PADI2: variants seen among roughly 807,000 people sequenced by gnomAD.
The protein encoded by PADI2 is peptidyl arginine deiminase 2.
Under a neutral mutation model 81.1 loss-of-function variants are expected in PADI2, and 70 were observed. The ratio of observed to expected loss-of-function variants is 0.86; its 90% CI spans 0.71 to 1.05. The LOEUF (loss-of-function observed/expected upper bound fraction) is 1.05, where lower values mean the gene tolerates loss of function less well. PADI2 is among the 50% of genes least tolerant of loss of function. The pLI, the probability that PADI2 is intolerant of heterozygous loss-of-function variation, is 0.00. For missense variants in PADI2, 853 were observed against 889.9 expected, an observed-to-expected ratio of 0.96 and a Z score of 0.53; for synonymous variants, 338 against 358.0, an observed-to-expected ratio of 0.94 and a Z score of 0.63.
rs374758528 is a variant in PADI2 at position 17,078,079 on chromosome 1, C to G, written c.1310+1185G>C. Among the ~76,000 whole-genome samples, 16 of 152,224 alleles carry G rather than the reference C, an allele frequency of 1.1e-4. No homozygotes were observed. The East Asian group carries it at 2.9e-3, about 28-fold the overall frequency. ...TTTCCTTCTCTGGACTCCTCCATCC[C>G]TTCCCCAGCTGATTTATTTAATATT... On this transcript the variant is annotated intron_variant, in intron 11 of 15. Transcript: ENST00000375486.
intron 3 of PADI2, among the ~76,000 whole-genome samples, chr1:17,102,755 G>GGGC (rs1035499575): frequency 6.6e-6 from 1 of 151,346 alleles, no homozygotes; most frequent in Non-Finnish European, 1.5e-5. Flanking sequence ...GACACTTGGG[G>GGGC]GGGGGTTGCT....
chr1:17,076,962 C>A (rs950759645), intron 11 of PADI2, among the ~76,000 whole-genome samples: 3 of 152,184 alleles, frequency 2.0e-5, no homozygotes, highest in African/African-American at 7.2e-5. Flanking sequence ...GGGTGGCCAA[C>A]AAATTCCTTT....
intron 15 of PADI2, 134 bp from the exon 16 acceptor site, chr1:17,069,411 G>A (rs2078248950): frequency 4.4e-6 from 3 of 688,018 alleles, no homozygotes; most frequent in Middle Eastern, 2.4e-4. Context: ...GACGGAGTGG[G>A]GCTAAGTCAC....
At chr1:17,102,682 G>A (rs1931183203) in intron 3 of PADI2, among the ~76,000 whole-genome samples, 1 of 151,464 alleles carries the variant, frequency 6.6e-6, no homozygotes, top group South Asian at 2.1e-4. Flanking sequence ...CAGGGGAGAG[G>A]CAGGGGGAAA....
intron 1 of PADI2, among the ~76,000 whole-genome samples, chr1:17,113,048 T>C (rs1206916328): frequency 6.6e-6 from 1 of 152,138 alleles, no homozygotes; most frequent in Non-Finnish European, 1.5e-5. Flanking sequence ...TGCCACCTCT[T>C]CCAGGAAGTC....
At chr1:17,073,285 C>T (rs1481454772) in intron 13 of PADI2, among the ~76,000 whole-genome samples, 2 of 151,826 alleles carry the variant, frequency 1.3e-5, no homozygotes, top group African/African-American at 2.4e-5. Context: ...GGCGTGGTGG[C>T]GGGCGCCTGT....
intron 3 of PADI2, among the ~76,000 whole-genome samples, chr1:17,097,719 G>A (rs1050920622): frequency 6.6e-6 from 1 of 152,014 alleles, no homozygotes; most frequent in African/African-American, 2.4e-5. Context: ...GCTGGTGCAG[G>A]ATAAGGACCC....
At chr1:17,095,401 C>A (rs1930878584) in intron 4 of PADI2, among the ~76,000 whole-genome samples, 1 of 151,846 alleles carries the variant, frequency 6.6e-6, no homozygotes, top group Non-Finnish European at 1.5e-5. Flanking sequence ...GTGGGGAATG[C>A]AAGATAAAAG....
At position 17,083,732 on chromosome 1, in the gene PADI2, C is replaced by A; in HGVS notation, c.1044G>T (p.Trp348Cys). 3.7e-6 allele frequency: 6 copies of A among 1,609,148 alleles called. No individual in the cohort carries two copies. Among genetic ancestry groups the A allele is most frequent in the Non-Finnish European group, 5.1e-6 (6 of 1,175,436 alleles). ...CFQYLNRGDR[W>C]IQDEIEFGYI... ...CTGGACCTGGGCTCCTTACCTGGAT[C>A]CAGCGATCGCCTCGGTTTAGGTACT... Residue 348 changes from tryptophan to cysteine, a missense_variant, in exon 9 of 16, where the codon TGG becomes TGT. Trp to Cys is a radical substitution (Grantham distance 215). Transcript: ENST00000375486.
chr1:17,067,116 C>T lies in PADI2; in HGVS notation c.*1928G>A, dbSNP rs1220789270. The T allele has an allele frequency of 6.6e-6, 1 of 150,684 alleles. No individual in the cohort carries two copies. Among genetic ancestry groups the T allele is most frequent in the Non-Finnish European group, 1.5e-5 (1 of 67,912 alleles). The allele number at this position is 150,684 out of a possible 1,614,324, so 9.3% of individuals were successfully genotyped here. ...GGAACTTCAGAAACATCAGAAATTA[C>T]CGACATCATTGGGGAAAGCCTTAGA... is the stretch of plus-strand genomic sequence containing the variant. On this transcript the variant is annotated 3_prime_UTR_variant, in exon 16 of 16. Transcript: ENST00000375486.
intron 12 of PADI2, 149 bp downstream of exon 12, chr1:17,075,530 A>G: frequency 1.5e-6 from 1 of 674,768 alleles, no homozygotes; most frequent in Non-Finnish European, 2.4e-6. Flanking sequence ...TTTACCTGCC[A>G]CAGCAACAAC....
At chr1:17,095,882 G>A (rs372179404) in intron 4 of PADI2, 27 bp downstream of exon 4, 136 of 1,594,644 alleles carry the variant, frequency 8.5e-5, no homozygotes, top group Non-Finnish European at 1.1e-4. Context: ...TGGGTTCAGG[G>A]TGGTGCCTGC....
rs748740883 is a variant in PADI2, at chr1:17,086,694, A to G, written c.661T>C (p.Phe221Leu). 33 of 1,613,682 alleles carry G rather than the reference A, an allele frequency of 2.0e-5. No individual in the cohort carries two copies. Among genetic ancestry groups the G allele is most frequent in the Non-Finnish European group, 2.5e-5 (30 of 1,179,890 alleles). Residue 221 changes from phenylalanine to leucine, a missense_variant, in exon 7 of 16, where the codon TTC (phenylalanine) becomes CTC (leucine). Coordinates refer to ENST00000375486, the MANE Select transcript of PADI2 (RefSeq NM_007365.3). The part of the protein sequence containing the change: ...KVGVFYVENP[F>L]FGQRYIHILG... ...ATGTGGATATAGCGTTGGCCGAAGA[A>G]CGGGTCTGGAGGGAAAAGGACCAAC...
intron 3 of PADI2, among the ~76,000 whole-genome samples, chr1:17,097,111 G>A (rs1036435547): frequency 3.9e-5 from 6 of 152,198 alleles, no homozygotes; most frequent in Admixed American, 2.6e-4. Context: ...CACATGACAT[G>A]TGCCCGTTCC....
chr1:17,114,679 C>A (rs1179238640), intron 1 of PADI2, among the ~76,000 whole-genome samples: 1 of 144,966 alleles, frequency 6.9e-6, no homozygotes, highest in African/African-American at 2.9e-5. Flanking sequence ...AAACAGAGTT[C>A]TCGGGACTCA....
At chr1:17,110,408 T>C (rs1375934115) in intron 1 of PADI2, among the ~76,000 whole-genome samples, 2 of 152,138 alleles carry the variant, frequency 1.3e-5, no homozygotes, top group African/African-American at 4.8e-5. Context: ...GTGTAGTCTT[T>C]GGCAATACAT....
At chr1:17,083,685 CG>C (rs768587537) in intron 9 of PADI2, 40 bp downstream of exon 9, 14 of 1,268,852 alleles carry the variant, frequency 1.1e-5, no homozygotes, top group Non-Finnish European at 1.4e-5. Context: ...TTGCTTGACC[CG>C]GGGGCCATGT....
intron 11 of PADI2, among the ~76,000 whole-genome samples, chr1:17,076,725 C>T (rs1417533498): frequency 6.6e-6 from 1 of 151,976 alleles, no homozygotes; most frequent in Non-Finnish European, 1.5e-5. Context: ...TACAGGTGCC[C>T]ACCACCCCGC....
At chr1:17,112,115 A>C (rs1931597676) in intron 1 of PADI2, among the ~76,000 whole-genome samples, 1 of 152,120 alleles carries the variant, frequency 6.6e-6, no homozygotes, top group South Asian at 2.1e-4. Context: ...TCAGGAAAGC[A>C]ACAGAGGAAG....
Sources: allele counts gnomAD v4.1 joint callset (sites outside exome capture counted in the v4.1 genomes callset), GRCh38; gene constraint gnomAD v4.1.1; transcripts MANE v1.5; gene names NCBI Gene and HGNC (gene_info 2026-07-23, HGNC 2026-07-21).